TMCC1: variants seen among roughly 807,000 people sequenced by gnomAD.
The protein encoded by TMCC1 is transmembrane and coiled-coil domains protein 1.
A neutral mutation model predicts 52.4 loss-of-function variants in TMCC1; 15 were observed. The ratio of observed to expected loss-of-function variants is 0.29; its 90% confidence interval spans 0.19 to 0.44. The LOEUF is 0.44. TMCC1 is among the 20% of genes least tolerant of loss of function. TMCC1 has a pLI of 1.00. For synonymous variants in TMCC1, 279 were observed against 301.9 expected, an observed-to-expected ratio of 0.92 and a Z score of 0.79; for missense variants, 503 against 806.0, an observed-to-expected ratio of 0.62 and a Z score of 4.55.
intron 4 of TMCC1, among the ~76,000 whole-genome samples, chr3:129,761,356 C>G (rs2053582559): frequency 8.1e-6 from 1 of 123,696 alleles, no homozygotes; most frequent in Non-Finnish European, 1.7e-5. Flanking sequence ...AAAAAATCCC[C>G]TGTGCTTCAC....
intron 4 of TMCC1, among the ~76,000 whole-genome samples, chr3:129,751,117 C>T (rs933443820): frequency 6.6e-6 from 1 of 152,056 alleles, no homozygotes; most frequent in Non-Finnish European, 1.5e-5. Context: ...GAGAGGATCA[C>T]TCGGACCCAG....
chr3:129,729,089 G>A (rs1363960461), intron 4 of TMCC1, among the ~76,000 whole-genome samples: 9 of 151,932 alleles, frequency 5.9e-5, no homozygotes, highest in Admixed American at 5.9e-4. Flanking sequence ...ACCTAGGCAT[G>A]GATTTACTGG....
intron 5 of TMCC1, among the ~76,000 whole-genome samples, chr3:129,659,757 T>A (rs994483564): frequency 1.3e-5 from 2 of 152,238 alleles, no homozygotes; most frequent in African/African-American, 4.8e-5. Context: ...TCTTCACTCC[T>A]GCCATTTTGC....
At chr3:129,852,688 A>C (rs2107906256) in intron 2 of TMCC1, among the ~76,000 whole-genome samples, 1 of 152,328 alleles carries the variant, frequency 6.6e-6, no homozygotes, top group East Asian at 1.9e-4. Flanking sequence ...TTGAGATGGT[A>C]AATTTTCTGT....
chr3:129,681,218 A>C (rs2088948731), intron 4 of TMCC1, among the ~76,000 whole-genome samples: 1 of 152,180 alleles, frequency 6.6e-6, no homozygotes, highest in South Asian at 2.1e-4. Flanking sequence ...AGTTTTACAA[A>C]GCAGATGGTA....
chr3:129,699,364 A>T (rs1290750679), intron 4 of TMCC1, among the ~76,000 whole-genome samples: 1 of 152,228 alleles, frequency 6.6e-6, no homozygotes. Context: ...CACAAGTGCC[A>T]TGACAGTTTA....
At chr3:129,762,999 C>A (rs1429123653) in intron 4 of TMCC1, among the ~76,000 whole-genome samples, 1 of 151,312 alleles carries the variant, frequency 6.6e-6, no homozygotes, top group Non-Finnish European at 1.5e-5. Flanking sequence ...GAGATCGAGA[C>A]CACCCTGGCT....
intron 5 of TMCC1, among the ~76,000 whole-genome samples, chr3:129,656,973 C>T (rs1330870875): frequency 6.6e-6 from 1 of 152,092 alleles, no homozygotes; most frequent in Non-Finnish European, 1.5e-5. Flanking sequence ...CTATGTTAGC[C>T]CACTCTTCTG....
At chr3:129,685,704 C>T (rs1309963201) in intron 4 of TMCC1, among the ~76,000 whole-genome samples, 4 of 152,180 alleles carry the variant, frequency 2.6e-5, no homozygotes, top group African/African-American at 9.7e-5. Context: ...CTAAAGGTTT[C>T]CCAATGATAA....
At chr3:129,802,331 C>T (rs1234223046) in intron 4 of TMCC1, among the ~76,000 whole-genome samples, 2 of 152,134 alleles carry the variant, frequency 1.3e-5, no homozygotes, top group Non-Finnish European at 2.9e-5. Context: ...AAATAAATTA[C>T]CTGGCAACAT....
At position 129,741,506 on chromosome 3, in the gene TMCC1, T is replaced by C. The variant is rs114458419; in HGVS notation, c.577-70242A>G. ...TTTATTCAAGGTCACACACCTAATA[T>C]AGATTATAATTAGAACTAAGGACTT... On this transcript the variant is annotated intron_variant, in intron 4 of 6. Transcript: ENST00000393238. Among the ~76,000 whole-genome samples the C allele has an allele frequency of 2.8e-3, 423 of 152,288 alleles. 2 individuals are homozygous for C. The highest frequency in any genetic ancestry group is 9.5e-3 in the African/African-American group (396 of 41,578).
intron 4 of TMCC1, among the ~76,000 whole-genome samples, chr3:129,826,084 T>C (rs2058645735): frequency 6.6e-6 from 1 of 152,212 alleles, no homozygotes; most frequent in Non-Finnish European, 1.5e-5. Context: ...AATCACTAGC[T>C]GTAAATTCCT....
intron 4 of TMCC1, among the ~76,000 whole-genome samples, chr3:129,756,899 T>C (rs938980545): frequency 1.3e-5 from 2 of 152,194 alleles, no homozygotes; most frequent in African/African-American, 4.8e-5. Flanking sequence ...AAAGGAGTTG[T>C]TGTGTATGGT....
At chr3:129,811,987 G>A (rs533482988) in intron 4 of TMCC1, among the ~76,000 whole-genome samples, 37 of 150,602 alleles carry the variant, frequency 2.5e-4, no homozygotes, top group Admixed American at 5.3e-4. Flanking sequence ...AAGTTTTGGT[G>A]ATTCTTACTA....
In TMCC1 at chr3:129,839,380, A is replaced by C. The variant is rs150714224; in HGVS notation, c.-183-6554T>G. On this transcript the variant is annotated intron_variant, in intron 2 of 6. Coordinates refer to ENST00000393238, the MANE Select transcript of TMCC1 (RefSeq NM_001017395.5). Reference sequence around the variant, plus strand: ...AAATGTATAATGTAAACAAAAAAGCAACCACTAAAAACCTTTTTAAAGAAA... The same window carrying C: ...AAATGTATAATGTAAACAAAAAAGCCACCACTAAAAACCTTTTTAAAGAAA... Among the ~76,000 whole-genome samples, 322 of 152,310 alleles carry C rather than the reference A, an allele frequency of 2.1e-3. 2 individuals are homozygous for C. The highest frequency in any genetic ancestry group is 7.6e-3 in the African/African-American group (314 of 41,578).
intron 4 of TMCC1, among the ~76,000 whole-genome samples, chr3:129,725,139 G>A (rs1348984279): frequency 6.6e-6 from 1 of 152,012 alleles, no homozygotes; most frequent in Non-Finnish European, 1.5e-5. Flanking sequence ...TTTGAGACAG[G>A]GTCTTGCTCT....
chr3:129,713,509 T>C (rs1031068256), intron 4 of TMCC1, among the ~76,000 whole-genome samples: 1 of 152,054 alleles, frequency 6.6e-6, no homozygotes, highest in African/African-American at 2.4e-5. Context: ...GTAATAAAAG[T>C]TGTCTTCCTC....
At chr3:129,880,102 G>A (rs1012325041) in intron 2 of TMCC1, among the ~76,000 whole-genome samples, 1 of 152,156 alleles carries the variant, frequency 6.6e-6, no homozygotes, top group Non-Finnish European at 1.5e-5. Flanking sequence ...CATTCAGGAA[G>A]AATGTAGGAA....
At chr3:129,705,827 C>G (rs1354393300) in intron 4 of TMCC1, among the ~76,000 whole-genome samples, 12 of 151,858 alleles carry the variant, frequency 7.9e-5, no homozygotes, top group Non-Finnish European at 1.2e-4. Context: ...CTCCTGACCT[C>G]ATGATCTGCC....
Sources: gnomAD v4.1 joint callset for allele counts (sites outside exome capture counted in the v4.1 genomes callset) on GRCh38, gnomAD v4.1.1 for gene constraint, MANE v1.5 for transcripts, NCBI Gene and HGNC (gene_info 2026-07-23, HGNC 2026-07-21) for gene names.